The following HECA variants were observed in gnomAD, a reference collection of about 807,000 sequenced individuals.
HECA encodes the protein HECA ribonucleoprotein granule regulator, also known as headcase protein homolog.
HECA carries 13 observed loss-of-function variants against 37.6 expected under a neutral mutation model. The observed-to-expected ratio is 0.35, with a 90% CI of 0.23 to 0.55. HECA has a LOEUF of 0.55. Ranked by LOEUF, HECA falls within the 20% of genes least tolerant of loss-of-function variation. The pLI, the probability that HECA is intolerant of heterozygous loss-of-function variation, is 0.90. For missense variants in HECA, 527 were observed against 701.9 expected (o/e 0.75, Z 2.82); for synonymous variants, 307 against 291.5 (o/e 1.05, Z -0.54).
chr6:139,140,986 T>A (rs993737975), intron 1 of HECA, among the ~76,000 whole-genome samples: 4 of 152,260 alleles, frequency 2.6e-5, no homozygotes, highest in African/African-American at 7.2e-5. Flanking sequence ...GAGACAGGGT[T>A]TCTCCGTGTT....
chr6:139,151,206 C>T (rs999118278), intron 1 of HECA: 1 of 152,042 alleles, frequency 6.6e-6, no homozygotes, highest in South Asian at 2.1e-4. Flanking sequence ...AGCATTTTAC[C>T]AGGTTATTTT....
chr6:139,141,467 T>C (rs1774511504), intron 1 of HECA, among the ~76,000 whole-genome samples: 1 of 152,254 alleles, frequency 6.6e-6, no homozygotes, highest in African/African-American at 2.4e-5. Flanking sequence ...TAGGTTCTTA[T>C]TTATATATTT....
At chr6:139,136,548 T>C (rs887165979) in intron 1 of HECA, among the ~76,000 whole-genome samples, 1 of 151,962 alleles carries the variant, frequency 6.6e-6, no homozygotes, top group Non-Finnish European at 1.5e-5. Context: ...GGTATTTTAA[T>C]GAAGGGAGAT....
At chr6:139,153,930 C>T (rs1443623474) in intron 1 of HECA, among the ~76,000 whole-genome samples, 1 of 152,048 alleles carries the variant, frequency 6.6e-6, no homozygotes, top group African/African-American at 2.4e-5. Context: ...GAAATTTGCT[C>T]CTCCATGAAA....
intron 1 of HECA, among the ~76,000 whole-genome samples, chr6:139,152,341 G>T (rs1774661353): frequency 6.6e-6 from 1 of 151,768 alleles, no homozygotes; most frequent in Non-Finnish European, 1.5e-5. Flanking sequence ...GTAAGAAAAG[G>T]GTGGGTCTAG....
At chr6:139,171,236 A>G (rs1393519349) in intron 2 of HECA, among the ~76,000 whole-genome samples, 1 of 152,186 alleles carries the variant, frequency 6.6e-6, no homozygotes, top group Non-Finnish European at 1.5e-5. Flanking sequence ...AAAGAGAAAA[A>G]AAAGGAAGGA....
chr6:139,158,682 A>G (rs891203210), intron 1 of HECA, among the ~76,000 whole-genome samples: 1 of 151,672 alleles, frequency 6.6e-6, no homozygotes, highest in African/African-American at 2.4e-5. Context: ...AAAAAAAAAA[A>G]AAAAAGAAAA....
At position 139,170,921 on chromosome 6, in the gene HECA, T is replaced by G. The variant is rs565407090; in HGVS notation, c.1313-3464T>G. On this transcript the variant is annotated intron_variant, in intron 2 of 3. Coordinates refer to ENST00000367658, the MANE Select transcript of HECA (RefSeq NM_016217.3). ...GGACAGAATGGAAGGGAGGGGATAT[T>G]GTCAAGAGGTTATTTTAAAGAAAAA... Among the ~76,000 whole-genome samples the G allele has an allele frequency of 3.3e-5, 5 of 152,174 alleles. No individual in the cohort carries two copies. In the South Asian group the frequency reaches 1.0e-3, roughly 32 times the overall value.
At position 139,178,921 on chromosome 6, in the gene HECA, CA is replaced by C. The variant is rs1775091791; in HGVS notation, c.*1817del. ...ATTTGATGTTTTGTTTGAAACAATACAGCATTAAAGAACCAATGTTATTCAC... is the reference window on the plus strand; with the variant it reads ...ATTTGATGTTTTGTTTGAAACAATACGCATTAAAGAACCAATGTTATTCAC... On this transcript the variant is annotated 3_prime_UTR_variant, in exon 4 of 4. Transcript: ENST00000367658. 1 of 152,144 alleles carries C rather than the reference CA, an allele frequency of 6.6e-6. No homozygotes were observed. Among genetic ancestry groups the C allele is most frequent in the African/African-American group, 2.4e-5 (1 of 41,420 alleles). 9.4% of individuals were successfully genotyped at this position (152,144 alleles called of 1,614,324 possible).
Position 139,135,246 on chromosome 6 carries a change from G to C in HECA, c.-151G>C. The C allele has an allele frequency of 3.6e-6, 2 of 550,712 alleles. No individual in the cohort carries two copies. The highest frequency in any genetic ancestry group is 4.9e-6 in the Non-Finnish European group (2 of 410,838). 34.1% of individuals were successfully genotyped at this position (550,712 alleles called of 1,614,324 possible). On this transcript the variant is annotated 5_prime_UTR_variant, in exon 1 of 4. Coordinates refer to ENST00000367658, the MANE Select transcript of HECA (RefSeq NM_016217.3). ...CGCGGCGGCCAGGATGGCGCGGCAC[G>C]GGCCGTGCGGCTAGACGGGAGCCGA...
At chr6:139,172,524 A>C (rs1774988666) in intron 2 of HECA, among the ~76,000 whole-genome samples, 3 of 152,230 alleles carry the variant, frequency 2.0e-5, no homozygotes. Flanking sequence ...CTAATTAAGA[A>C]GTTCTTATTG....
At position 139,177,250 on chromosome 6, in the gene HECA, C is replaced by CTGCCCT; in HGVS notation, c.*152_*157dup. 1.8e-6 allele frequency: 1 copy of CTGCCCT among 570,036 alleles called. No homozygotes were observed. Among genetic ancestry groups the CTGCCCT allele is most frequent in the Non-Finnish European group, 3.1e-6 (1 of 323,970 alleles). 35.3% of individuals were successfully genotyped at this position (570,036 alleles called of 1,614,324 possible). On this transcript the variant is annotated 3_prime_UTR_variant, in exon 4 of 4. Transcript: ENST00000367658. The surrounding 1 kb of genome is among the most constrained non-coding windows in gnomAD (Gnocchi z 4.9). ...TGTATGTGTGCCACTAAAATAGGGG[C>CTGCCCT]TGCCCTTGCCCTGTCTTGATTCCCG...
intron 1 of HECA, chr6:139,144,663 A>G (rs1562242974): frequency 6.6e-6 from 1 of 152,294 alleles, no homozygotes; most frequent in Non-Finnish European, 1.5e-5. Context: ...AAAGGGGGTA[A>G]TCACAGGTTG....
chr6:139,167,293 G>A lies in HECA; in HGVS notation c.1281G>A (p.Glu427=). The A allele has an allele frequency of 6.2e-7, 1 of 1,602,654 alleles. No individual in the cohort carries two copies. The highest frequency in any genetic ancestry group is 8.5e-7 in the Non-Finnish European group (1 of 1,170,696). Residue 427 remains glutamate (E), a synonymous_variant, in exon 2 of 4, where the codon GAG becomes GAA. Transcript: ENST00000367658. The part of the protein sequence containing the change: ...TLFLSPSRHD[E]IEYDVPCHLQ... ...TCCTAAGCCCGTCGAGACATGATGA[G>A]ATCGAATATGATGTTCCTTGTCACC...
rs1332486739 is a variant in HECA at position 139,178,146 on chromosome 6, G to GT, written c.*1042dup. 2 of 152,172 alleles carry GT rather than the reference G, an allele frequency of 1.3e-5. No homozygotes were observed. The highest frequency in any genetic ancestry group is 2.9e-5 in the Non-Finnish European group (2 of 68,030). The allele number at this position is 152,172 out of a possible 1,614,324, so 9.4% of individuals were successfully genotyped here. A position where few individuals can be genotyped will look rare whatever the true frequency, so the allele number is the denominator to read the frequency against. On this transcript the variant is annotated 3_prime_UTR_variant, in exon 4 of 4. Transcript: ENST00000367658. ...AATAATTTTACTATTTCTTTTAAAA[G>GT]TATGTTTTGGAAAATCAATGATTTT...
intron 1 of HECA, among the ~76,000 whole-genome samples, chr6:139,156,175 G>C (rs550236483): frequency 2.6e-5 from 4 of 151,600 alleles, no homozygotes; most frequent in South Asian, 4.2e-4. Context: ...TACATTCACT[G>C]TTACAATTTA....
Position 139,135,551 on chromosome 6 carries a change from CGGCGGCGGCGGGCGCGCCG to C in HECA, c.160_178del (p.Ala54ProfsTer39). 1.0e-6 allele frequency: 1 copy of C among 961,978 alleles called. No homozygotes were observed. The highest frequency in any genetic ancestry group is 1.2e-6 in the Non-Finnish European group (1 of 813,258). 59.6% of individuals were successfully genotyped at this position (961,978 alleles called of 1,614,324 possible). On this transcript the variant is annotated frameshift_variant, in exon 1 of 4. Transcript: ENST00000367658. LOFTEE classifies it high-confidence loss of function. ...CTGGCGGCGGCGGCCGGTTGCGGGGCGGCGGCGGCGGGCGCGCCGGGCGCCGGAGGCGCGGCGGGCGCCG... is the reference window on the plus strand; with the variant it reads ...CTGGCGGCGGCGGCCGGTTGCGGGGCGGCGCCGGAGGCGCGGCGGGCGCCG...
At chr6:139,163,400 G>C (rs920922101) in intron 1 of HECA, among the ~76,000 whole-genome samples, 20 of 150,084 alleles carry the variant, frequency 1.3e-4, no homozygotes, top group Admixed American at 2.0e-4. Flanking sequence ...TGCCACTCAG[G>C]CTGGTGTGCA....
At chr6:139,135,753 C>T (rs1384236110) in intron 1 of HECA, 86 bp downstream of exon 1, 33 of 533,552 alleles carry the variant, frequency 6.2e-5, no homozygotes, top group Admixed American at 1.3e-4. Context: ...GCGGGCGGTG[C>T]GTGGACAATG....
Sources: allele counts gnomAD v4.1 joint callset (sites outside exome capture counted in the v4.1 genomes callset), GRCh38; gene constraint gnomAD v4.1.1; non-coding constraint Gnocchi (gnomAD v3.1); transcripts MANE v1.5; gene names NCBI Gene and HGNC (gene_info 2026-07-23, HGNC 2026-07-21).